ENKUR: variants seen among roughly 807,000 people sequenced by gnomAD.
ENKUR encodes enkurin, TRPC channel interacting protein.
ENKUR carries 19 observed loss-of-function variants against 27.6 expected under a neutral mutation model. The observed-to-expected ratio is 0.69, with a 90% CI of 0.48 to 1.01. ENKUR has a LOEUF of 1.01. ENKUR is among the 50% of genes least tolerant of loss of function. The pLI is 0.00. For synonymous variants in ENKUR, 117 were observed against 96.9 expected (o/e 1.21, Z -1.22); for missense variants, 312 against 310.5 (o/e 1.00, Z -0.04).
intron 2 of ENKUR, among the ~76,000 whole-genome samples, chr10:24,998,391 T>C (rs1299881820): frequency 6.7e-6 from 1 of 148,336 alleles, no homozygotes; most frequent in Admixed American, 6.8e-5. Flanking sequence ...CTTTCTTTTT[T>C]TGAGATGGGG....
chr10:25,012,851 G>A (rs1850481834), intron 1 of ENKUR, among the ~76,000 whole-genome samples: 1 of 152,180 alleles, frequency 6.6e-6, no homozygotes, highest in Non-Finnish European at 1.5e-5. Context: ...TTTGAAATGT[G>A]AGGACATGAG....
chr10:25,051,149 G>T (rs527610890), intron 2 of ENKUR, among the ~76,000 whole-genome samples: 1 of 152,310 alleles, frequency 6.6e-6, no homozygotes, highest in South Asian at 2.1e-4. Flanking sequence ...GCAGTTGCAA[G>T]TCTTGTCCAA....
At chr10:25,042,699 A>G (rs1442697129) in intron 2 of ENKUR, among the ~76,000 whole-genome samples, 1 of 152,098 alleles carries the variant, frequency 6.6e-6, no homozygotes, top group Non-Finnish European at 1.5e-5. Flanking sequence ...AAAATGGAAG[A>G]GCACCTGGGC....
chr10:24,984,635 C>T (rs989967069), intron 5 of ENKUR, 101 bp downstream of exon 5: 3 of 1,140,806 alleles, frequency 2.6e-6, no homozygotes, highest in Middle Eastern at 2.9e-4. Context: ...TTTTTATTCT[C>T]TTCATAGTAT....
At chr10:25,060,039 G>T (rs1293126727) in intron 2 of ENKUR, among the ~76,000 whole-genome samples, 1 of 152,138 alleles carries the variant, frequency 6.6e-6, no homozygotes, top group Admixed American at 6.5e-5. Flanking sequence ...CCAGGTGAGT[G>T]GTTGTCTAAT....
chr10:25,016,585 C>G (rs1430392591), upstream of ENKUR: 1 of 152,314 alleles, frequency 6.6e-6, no homozygotes. Flanking sequence ...AGTCACGTGC[C>G]CTGCGCGAGG....
chr10:24,996,984 C>A (rs577665919), intron 2 of ENKUR, among the ~76,000 whole-genome samples: 1 of 152,238 alleles, frequency 6.6e-6, no homozygotes, highest in South Asian at 2.1e-4. Flanking sequence ...CACAGACATA[C>A]ATATAAGGAA....
At chr10:25,024,520 GTTGAGTCAGATT>G (rs766943536) in intron 2 of ENKUR, 11 of 1,614,082 alleles carry the variant, frequency 6.8e-6, no homozygotes, top group Non-Finnish European at 9.3e-6. Flanking sequence ...GGCAGTGGGT[GTTGAGTCAGATT>G]TTGATTTTTG....
chr10:24,988,394 TTATA>T (rs1253719178), intron 4 of ENKUR, among the ~76,000 whole-genome samples: 2 of 145,742 alleles, frequency 1.4e-5, no homozygotes, highest in Non-Finnish European at 3.0e-5. Context: ...GTGTATATAT[TTATA>T]TATGTGTATA....
intron 2 of ENKUR, among the ~76,000 whole-genome samples, chr10:25,048,575 C>A (rs1851147063): frequency 6.6e-6 from 1 of 151,876 alleles, no homozygotes; most frequent in African/African-American, 2.4e-5. Context: ...GGAGTTCACA[C>A]CAAGCAGAAG....
At chr10:25,056,003 T>C (rs1214732681) in intron 2 of ENKUR, among the ~76,000 whole-genome samples, 1 of 152,206 alleles carries the variant, frequency 6.6e-6, no homozygotes, top group Non-Finnish European at 1.5e-5. Flanking sequence ...ATCATTGTCA[T>C]GATCATCACC....
intron 1 of ENKUR, among the ~76,000 whole-genome samples, chr10:25,008,640 T>C (rs1261899861): frequency 1.3e-5 from 2 of 152,178 alleles, no homozygotes. Context: ...TGCTGTTCAC[T>C]GCATTAAATA....
chr10:25,037,788 T>C (rs1851024088), intron 2 of ENKUR, among the ~76,000 whole-genome samples: 1 of 152,192 alleles, frequency 6.6e-6, no homozygotes, highest in African/African-American at 2.4e-5. Flanking sequence ...CACTTCATTG[T>C]TCCCTGAGCA....
At chr10:25,003,185 T>A (rs143382991) in intron 1 of ENKUR, among the ~76,000 whole-genome samples, 7,555 of 149,542 alleles carry the variant, frequency 0.051, 240 homozygotes, top group Non-Finnish European at 0.076. Context: ...TTAATTAATT[T>A]ATTTATTTAT....
chr10:24,995,901 A>G (rs1439866209), intron 2 of ENKUR, 32 bp from the exon 3 acceptor site: 1 of 1,538,922 alleles, frequency 6.5e-7, no homozygotes, highest in Admixed American at 1.9e-5. Context: ...TGTTAATATT[A>G]AACTACAAAC....
intron 1 of ENKUR, among the ~76,000 whole-genome samples, chr10:25,013,697 C>A (rs1431942725): frequency 6.6e-6 from 1 of 152,196 alleles, no homozygotes; most frequent in African/African-American, 2.4e-5. Context: ...AATCATAGCA[C>A]TTTGGGAGGC....
intron 2 of ENKUR, among the ~76,000 whole-genome samples, chr10:25,032,768 C>T (rs1850951419): frequency 6.6e-6 from 1 of 152,066 alleles, no homozygotes; most frequent in African/African-American, 2.4e-5. Flanking sequence ...TGGTCTCTTC[C>T]CCTGCTGTAT....
chr10:24,988,332 A>G (rs1389720278), intron 4 of ENKUR, among the ~76,000 whole-genome samples: 3 of 144,932 alleles, frequency 2.1e-5, no homozygotes, highest in Non-Finnish European at 3.0e-5. Context: ...ATATTTATAT[A>G]TGTGTATATA....
chr10:25,052,914 CAT>C (rs1851203060), intron 2 of ENKUR, among the ~76,000 whole-genome samples: 1 of 152,012 alleles, frequency 6.6e-6, no homozygotes, highest in South Asian at 2.1e-4. Flanking sequence ...GGATTACAGG[CAT>C]GCGCCACCAT....
Sources: gnomAD v4.1 joint callset for allele counts (sites outside exome capture counted in the v4.1 genomes callset) on GRCh38, gnomAD v4.1.1 for gene constraint, MANE v1.5 for transcripts, NCBI Gene and HGNC (gene_info 2026-07-23, HGNC 2026-07-21) for gene names.